The following LINGO2 variants were observed in gnomAD, a reference collection of about 807,000 sequenced individuals.
LINGO2 encodes the protein leucine rich repeat and Ig domain containing 2, also known as leucine-rich repeat and immunoglobulin-like domain-containing nogo receptor-interacting protein 2.
Under a neutral mutation model 30.6 loss-of-function variants are expected in LINGO2, and 14 were observed. That is an observed-to-expected ratio of 0.46 (90% CI 0.30 to 0.72). The LOEUF (loss-of-function observed/expected upper bound fraction) is 0.72, where lower values mean the gene tolerates loss of function less well. Among genes scored for constraint, LINGO2 ranks in the 30% least tolerant of loss-of-function variants. The probability of loss-of-function intolerance (pLI) is 0.07; values close to 1 mark genes in which losing one functional copy is unlikely to be tolerated. For synonymous variants in LINGO2, 317 were observed against 288.5 expected (o/e 1.10, Z -1.00); for missense variants, 729 against 751.7 (o/e 0.97, Z 0.35).
At chr9:28,911,426 T>C in the LINGO2 span, among the ~76,000 whole-genome samples, 1 of 152,048 alleles carries the variant, frequency 6.6e-6, no homozygotes, top group African/African-American at 2.4e-5. Context: ...TAAAAAATTT[T>C]CTATAATCTG....
chr9:28,019,565 A>T (rs1213909314), intron 4 of LINGO2, among the ~76,000 whole-genome samples: 2 of 152,146 alleles, frequency 1.3e-5, no homozygotes, highest in Non-Finnish European at 2.9e-5. Flanking sequence ...CATATTTGCT[A>T]TGAGTAAAAT....
At chr9:28,139,371 C>G (rs1300215284) in intron 4 of LINGO2, among the ~76,000 whole-genome samples, 1 of 152,122 alleles carries the variant, frequency 6.6e-6, no homozygotes, top group Non-Finnish European at 1.5e-5. Context: ...AATAAAGTAT[C>G]CTTAACTCAA....
the LINGO2 span, among the ~76,000 whole-genome samples, chr9:28,770,670 C>T: frequency 6.6e-6 from 1 of 152,082 alleles, no homozygotes; most frequent in Admixed American, 6.5e-5. Flanking sequence ...TCTCTATAAA[C>T]TATAAATCAC....
At chr9:28,982,935 T>C in the LINGO2 span, among the ~76,000 whole-genome samples, 1 of 152,014 alleles carries the variant, frequency 6.6e-6, no homozygotes, top group Admixed American at 6.6e-5. Context: ...TTTTTTCATA[T>C]ATGAATCTTT....
At chr9:28,749,894 T>C in the LINGO2 span, among the ~76,000 whole-genome samples, 2 of 152,088 alleles carry the variant, frequency 1.3e-5, no homozygotes, top group Non-Finnish European at 2.9e-5. Context: ...AAGTGATTAG[T>C]CATAATTGCT....
intron 4 of LINGO2, among the ~76,000 whole-genome samples, chr9:28,241,342 A>C (rs933629501): frequency 1.3e-5 from 2 of 151,776 alleles, no homozygotes; most frequent in Non-Finnish European, 2.9e-5. Context: ...CAAGATAGCC[A>C]ACTAGAAGCA....
intron 4 of LINGO2, among the ~76,000 whole-genome samples, chr9:28,094,784 A>G (rs1826197092): frequency 6.6e-6 from 1 of 151,314 alleles, no homozygotes; most frequent in African/African-American, 2.4e-5. Flanking sequence ...CCTCTGTACC[A>G]TACTTTTTTT....
intron 3 of LINGO2, among the ~76,000 whole-genome samples, chr9:28,360,852 AAC>A (rs1404694280): frequency 6.6e-6 from 1 of 152,094 alleles, no homozygotes; most frequent in African/African-American, 2.4e-5. Flanking sequence ...ATGACCTCCA[AAC>A]ACAACTCAGA....
rs149119669 is a variant in LINGO2 at position 28,005,946 on chromosome 9, TTCTG to T, written c.-36+6405_-36+6408del. 5.9e-3 allele frequency among the ~76,000 whole-genome samples: 897 copies of T among 152,254 alleles called. 8 individuals are homozygous for T. The highest frequency in any genetic ancestry group is 0.011 in the Admixed American group (174 of 15,288). On this transcript the variant is annotated intron_variant, in intron 5 of 5. Coordinates refer to ENST00000379992, the Ensembl canonical transcript of LINGO2. The stretch of plus-strand genomic sequence containing the variant: ...ATTAATGGATTCAGAGCACTGCACT[TTCTG>T]TCTATCTTCCTAAAGATGTAAACCC...
chr9:29,011,895 A>G, the LINGO2 span, among the ~76,000 whole-genome samples: 1 of 152,210 alleles, frequency 6.6e-6, no homozygotes, highest in South Asian at 2.1e-4. Context: ...CACTCAAACT[A>G]CATAAATGGC....
At chr9:28,889,157 T>G in the LINGO2 span, among the ~76,000 whole-genome samples, 6 of 152,170 alleles carry the variant, frequency 3.9e-5, no homozygotes, top group African/African-American at 1.4e-4. Flanking sequence ...TGAGCATCCC[T>G]TAAGCAGGTC....
intron 1 of LINGO2, among the ~76,000 whole-genome samples, chr9:28,512,245 A>G (rs1443790950): frequency 1.3e-5 from 2 of 152,094 alleles, no homozygotes; most frequent in East Asian, 3.9e-4. Context: ...TTGATGTCCC[A>G]TAGTCACATG....
intron 5 of LINGO2, among the ~76,000 whole-genome samples, chr9:27,964,806 G>A (rs977949769): frequency 6.6e-6 from 1 of 152,064 alleles, no homozygotes; most frequent in African/African-American, 2.4e-5. Flanking sequence ...TCATCTGGAT[G>A]AGTAAATCTC....
chr9:28,276,160 T>C (rs941782566), intron 4 of LINGO2, among the ~76,000 whole-genome samples: 12 of 152,166 alleles, frequency 7.9e-5, no homozygotes, highest in Non-Finnish European at 1.8e-4. Flanking sequence ...AGGAGCCTTG[T>C]ACGTTTTGAT....
At chr9:28,138,786 T>C (rs1038513527) in intron 4 of LINGO2, among the ~76,000 whole-genome samples, 1 of 152,214 alleles carries the variant, frequency 6.6e-6, no homozygotes, top group African/African-American at 2.4e-5. Flanking sequence ...CATTCATGCT[T>C]ATTTTCAACG....
intron 1 of LINGO2, among the ~76,000 whole-genome samples, chr9:28,568,073 T>TGG (rs1334137082): frequency 6.6e-6 from 1 of 152,034 alleles, no homozygotes; most frequent in Non-Finnish European, 1.5e-5. Flanking sequence ...ATCAGCAAGG[T>TGG]GGCAGAATAA....
the LINGO2 span, among the ~76,000 whole-genome samples, chr9:28,958,747 G>C: frequency 6.6e-6 from 1 of 152,092 alleles, no homozygotes; most frequent in African/African-American, 2.4e-5. Flanking sequence ...AGGGAAGGGA[G>C]GGGGGAGAGG....
chr9:28,784,925 C>T, the LINGO2 span, among the ~76,000 whole-genome samples: 6 of 146,160 alleles, frequency 4.1e-5, no homozygotes, highest in East Asian at 2.0e-4. Context: ...TCCAGCCTGG[C>T]GACAGAGCGA....
intron 2 of LINGO2, among the ~76,000 whole-genome samples, chr9:28,449,201 G>A (rs1299257539): frequency 1.3e-5 from 2 of 151,988 alleles, no homozygotes; most frequent in Admixed American, 1.3e-4. Flanking sequence ...GCTGTTGTTG[G>A]ATTTTGCACT....
Sources: allele counts gnomAD v4.1 joint callset (sites outside exome capture counted in the v4.1 genomes callset), GRCh38; gene constraint gnomAD v4.1.1; transcripts MANE v1.5; gene names NCBI Gene and HGNC (gene_info 2026-07-23, HGNC 2026-07-21).